TNR: variants seen among roughly 807,000 people sequenced by gnomAD.
TNR encodes tenascin-R.
In TNR, 45 loss-of-function variants were observed where a neutral mutation model predicts 150.4. The observed-to-expected ratio is 0.30, with a 90% CI of 0.24 to 0.38. TNR has a LOEUF of 0.38. Ranked by LOEUF, TNR falls within the 10% of genes least tolerant of loss-of-function variation. The pLI is 1.00. For synonymous variants in TNR, 687 were observed against 678.4 expected (o/e 1.01, Z -0.20); for missense variants, 1,544 against 1,759.1 (o/e 0.88, Z 2.19).
chr1:175,529,092 G>T (rs1477402829), intron 1 of TNR, among the ~76,000 whole-genome samples: 1 of 152,228 alleles, frequency 6.6e-6, no homozygotes, highest in African/African-American at 2.4e-5. Flanking sequence ...GTCCTACGCA[G>T]ATCTTCAGCC....
intron 2 of TNR, among the ~76,000 whole-genome samples, chr1:175,454,947 T>C (rs1470596244): frequency 6.6e-6 from 1 of 152,210 alleles, no homozygotes; most frequent in Non-Finnish European, 1.5e-5. Flanking sequence ...TCTGAGCAGC[T>C]TGTGATTGCT....
At chr1:175,446,400 A>G (rs992843832) in intron 2 of TNR, among the ~76,000 whole-genome samples, 4 of 152,132 alleles carry the variant, frequency 2.6e-5, no homozygotes, top group Non-Finnish European at 4.4e-5. Flanking sequence ...TCTTTATTTT[A>G]GTTTCCTGGG....
intron 21 of TNR, among the ~76,000 whole-genome samples, chr1:175,324,876 A>T (rs1649282689): frequency 6.6e-6 from 1 of 151,848 alleles, no homozygotes; most frequent in African/African-American, 2.4e-5. Flanking sequence ...GGAGATGGTG[A>T]TGAGCCAGGC....
chr1:175,580,198 G>A (rs970260160), intron 1 of TNR, among the ~76,000 whole-genome samples: 4 of 152,168 alleles, frequency 2.6e-5, no homozygotes, highest in Non-Finnish European at 4.4e-5. Flanking sequence ...TCTGTCTTGC[G>A]TGTCAGTTAA....
chr1:175,677,070 G>C (rs750741515), intron 1 of TNR, among the ~76,000 whole-genome samples: 1 of 152,232 alleles, frequency 6.6e-6, no homozygotes, highest in African/African-American at 2.4e-5. Flanking sequence ...CCAGGGGAAT[G>C]CTTTTTCTAC....
intron 1 of TNR, among the ~76,000 whole-genome samples, chr1:175,601,566 A>G (rs569149414): frequency 7.2e-5 from 11 of 152,250 alleles, no homozygotes; most frequent in African/African-American, 2.6e-4. Flanking sequence ...GGATAATTAT[A>G]CTCATGAATA....
At chr1:175,585,766 T>C (rs1316190936) in intron 1 of TNR, among the ~76,000 whole-genome samples, 2 of 152,150 alleles carry the variant, frequency 1.3e-5, no homozygotes, top group Non-Finnish European at 2.9e-5. Context: ...TTCCTTCCCT[T>C]CCTTCCTTCT....
chr1:175,742,813 T>C (rs528656808), intron 1 of TNR, among the ~76,000 whole-genome samples: 30 of 152,282 alleles, frequency 2.0e-4, no homozygotes, highest in Admixed American at 1.1e-3. Flanking sequence ...TTTCCCACCA[T>C]GGATGGCTTG....
At chr1:175,412,839 T>C (rs145892012) in intron 2 of TNR, among the ~76,000 whole-genome samples, 347 of 152,344 alleles carry the variant, frequency 2.3e-3, no homozygotes, top group Admixed American at 3.5e-3. Flanking sequence ...GAAACTAATG[T>C]TTATTAAATG....
At chr1:175,433,613 A>C (rs1655369395) in intron 2 of TNR, among the ~76,000 whole-genome samples, 1 of 152,220 alleles carries the variant, frequency 6.6e-6, no homozygotes, top group Admixed American at 6.5e-5. Flanking sequence ...ACCTTGGGCA[A>C]GGCAACAATT....
intron 1 of TNR, among the ~76,000 whole-genome samples, chr1:175,559,435 C>T (rs1453293155): frequency 1.3e-5 from 2 of 152,022 alleles, no homozygotes; most frequent in African/African-American, 2.4e-5. Context: ...AGAAAGAAAA[C>T]ATTTTAAATA....
intron 1 of TNR, among the ~76,000 whole-genome samples, chr1:175,667,428 T>C (rs1174623239): frequency 1.3e-5 from 2 of 152,246 alleles, no homozygotes; most frequent in Non-Finnish European, 2.9e-5. Flanking sequence ...ATCCAGCTTG[T>C]ATGTGAATAA....
Position 175,318,381 on chromosome 1 carries a change from T to C in TNR, c.*4976A>G, listed in dbSNP as rs1485125207. ...CCTGTTTCTCAAGGCTTGATGAATG[T>C]AGAACTGGCATAAACAAATCCAGAG... On this transcript the variant is annotated 3_prime_UTR_variant, in exon 23 of 23. Coordinates refer to ENST00000367674, the MANE Select transcript of TNR (RefSeq NM_003285.3). 1 of 152,268 alleles carries C rather than the reference T, an allele frequency of 6.6e-6. No homozygotes were observed. Among genetic ancestry groups the C allele is most frequent in the Admixed American group, 6.5e-5 (1 of 15,288 alleles). The allele number at this position is 152,268 out of a possible 1,614,324, so 9.4% of individuals were successfully genotyped here. A position where few individuals can be genotyped will look rare whatever the true frequency, so the allele number is the denominator to read the frequency against.
intron 2 of TNR, among the ~76,000 whole-genome samples, chr1:175,507,600 C>A: frequency 6.6e-6 from 1 of 151,638 alleles, no homozygotes; most frequent in Non-Finnish European, 1.5e-5. Context: ...GCCTATATAG[C>A]CTCAACCTTA....
At chr1:175,688,354 CA>C (rs1441731480) in intron 1 of TNR, among the ~76,000 whole-genome samples, 1 of 152,212 alleles carries the variant, frequency 6.6e-6, no homozygotes, top group Admixed American at 6.5e-5. Context: ...AGAAAGGAGG[CA>C]GTGAGCTTTC....
intron 1 of TNR, among the ~76,000 whole-genome samples, chr1:175,530,990 C>T (rs1557989670): frequency 1.3e-5 from 2 of 152,194 alleles, no homozygotes; most frequent in Non-Finnish European, 2.9e-5. Flanking sequence ...ACAGCCACCA[C>T]CTGCAAGAAG....
At chr1:175,356,988 C>A (rs1314033031) in intron 15 of TNR, among the ~76,000 whole-genome samples, 2 of 152,186 alleles carry the variant, frequency 1.3e-5, no homozygotes, top group Non-Finnish European at 2.9e-5. Flanking sequence ...GCTTGTGCCA[C>A]TTATATTAAT....
chr1:175,661,419 G>A (rs1665367978), intron 1 of TNR, among the ~76,000 whole-genome samples: 1 of 152,176 alleles, frequency 6.6e-6, no homozygotes, highest in Non-Finnish European at 1.5e-5. Context: ...GGAACTCAGA[G>A]CTGGGGTGAG....
Position 175,558,902 on chromosome 1 carries a change from C to T in TNR, c.-164-30533G>A, listed in dbSNP as rs141210486. 2.4e-3 allele frequency among the ~76,000 whole-genome samples: 367 copies of T among 152,188 alleles called. 4 individuals are homozygous for T. Among genetic ancestry groups the T allele is most frequent in the African/African-American group, 8.4e-3 (349 of 41,502 alleles). On this transcript the variant is annotated intron_variant, in intron 1 of 22. Transcript: ENST00000367674. Reference sequence around the variant, plus strand: ...AAACCCAAAATATGTATACCAAGAGCGAATCCTAGTGCAAACTGTATAATA... The same window carrying T: ...AAACCCAAAATATGTATACCAAGAGTGAATCCTAGTGCAAACTGTATAATA...
Sources: allele counts gnomAD v4.1 joint callset (sites outside exome capture counted in the v4.1 genomes callset), GRCh38; gene constraint gnomAD v4.1.1; transcripts MANE v1.5; gene names NCBI Gene and HGNC (gene_info 2026-07-23, HGNC 2026-07-21).